Variants in FAT3 observed in about 807,000 individuals in gnomAD.
FAT3 encodes the protein protocadherin Fat 3.
In FAT3, 95 loss-of-function variants were observed where a neutral mutation model predicts 310.2. That is an observed-to-expected ratio of 0.31 (90% confidence interval 0.26 to 0.36). The LOEUF (loss-of-function observed/expected upper bound fraction) is 0.36, where lower values mean the gene tolerates loss of function less well. Ranked by LOEUF, FAT3 falls within the 10% of genes least tolerant of loss-of-function variation. The pLI is 1.00. For missense variants in FAT3, 5,408 were observed against 5,715.6 expected, an observed-to-expected ratio of 0.95 and a Z score of 1.74; for synonymous variants, 2,314 against 2,192.9, an observed-to-expected ratio of 1.06 and a Z score of -1.54.
chr11:92,443,476 A>G (rs927065184), intron 2 of FAT3, among the ~76,000 whole-genome samples: 2 of 152,210 alleles, frequency 1.3e-5, no homozygotes, highest in East Asian at 3.8e-4. Flanking sequence ...CTTGCCAGTA[A>G]GTGATTTAAG....
At chr11:92,626,666 A>G (rs1001664148) in intron 3 of FAT3, among the ~76,000 whole-genome samples, 7 of 152,122 alleles carry the variant, frequency 4.6e-5, no homozygotes, top group Admixed American at 2.6e-4. Context: ...TGATGGAGAA[A>G]TGGAGAGGGT....
At chr11:92,748,190 G>T (rs1237270013) in intron 4 of FAT3, among the ~76,000 whole-genome samples, 1 of 152,188 alleles carries the variant, frequency 6.6e-6, no homozygotes, top group Non-Finnish European at 1.5e-5. Flanking sequence ...GAAGGTGAAT[G>T]AGGAGTAAAT....
At chr11:92,227,094 C>G (rs1337096770) in intron 1 of FAT3, among the ~76,000 whole-genome samples, 2 of 152,326 alleles carry the variant, frequency 1.3e-5, no homozygotes, top group East Asian at 3.9e-4. Flanking sequence ...ACGCGCCCAC[C>G]CGGGGCTTGA....
chr11:92,465,669 C>T (rs1460172638), intron 2 of FAT3, among the ~76,000 whole-genome samples: 1 of 152,044 alleles, frequency 6.6e-6, no homozygotes, highest in Non-Finnish European at 1.5e-5. Context: ...ACAATGAGAA[C>T]ACTTGGACAC....
At chr11:92,717,976 C>G (rs371530432) in intron 4 of FAT3, among the ~76,000 whole-genome samples, 1 of 152,152 alleles carries the variant, frequency 6.6e-6, no homozygotes, top group Non-Finnish European at 1.5e-5. Context: ...CAAATTCTTG[C>G]AACTCTTTCT....
At chr11:92,717,527 C>T (rs1374139567) in intron 4 of FAT3, among the ~76,000 whole-genome samples, 1 of 152,132 alleles carries the variant, frequency 6.6e-6, no homozygotes, top group South Asian at 2.1e-4. Flanking sequence ...TTGTCATCCA[C>T]CTGACAAGAG....
intron 2 of FAT3, among the ~76,000 whole-genome samples, chr11:92,356,736 A>AG (rs1948742087): frequency 6.6e-6 from 1 of 152,266 alleles, no homozygotes; most frequent in South Asian, 2.1e-4. Context: ...ATGAATTTGT[A>AG]GGGGACACAT....
chr11:92,709,336 C>T (rs180907026), intron 4 of FAT3, among the ~76,000 whole-genome samples: 3 of 152,284 alleles, frequency 2.0e-5, no homozygotes, highest in African/African-American at 4.8e-5. Context: ...AGGAGATGTT[C>T]GATGGAGGTA....
intron 4 of FAT3, among the ~76,000 whole-genome samples, chr11:92,752,949 TGA>T (rs1945869169): frequency 6.6e-6 from 1 of 152,344 alleles, no homozygotes; most frequent in African/African-American, 2.4e-5. Flanking sequence ...ATAAATCATC[TGA>T]GAGATAATTA....
At chr11:92,834,378 T>C (rs979123565) in intron 14 of FAT3, among the ~76,000 whole-genome samples, 1 of 152,238 alleles carries the variant, frequency 6.6e-6, no homozygotes, top group Non-Finnish European at 1.5e-5. Context: ...TTGTTTTAGA[T>C]AAGTGCATTT....
intron 3 of FAT3, among the ~76,000 whole-genome samples, chr11:92,626,695 T>A (rs1029317768): frequency 1.3e-5 from 2 of 152,132 alleles, no homozygotes; most frequent in African/African-American, 2.4e-5. Context: ...GAAACTTGAA[T>A]AATTGTGGAG....
chr11:92,785,697 A>G (rs771086481), intron 7 of FAT3, among the ~76,000 whole-genome samples: 3 of 152,162 alleles, frequency 2.0e-5, no homozygotes, highest in South Asian at 2.1e-4. Flanking sequence ...GTAAAACAGT[A>G]GATTGAACAA....
At chr11:92,332,859 C>G (rs993340623) in intron 1 of FAT3, among the ~76,000 whole-genome samples, 1 of 152,084 alleles carries the variant, frequency 6.6e-6, no homozygotes, top group Non-Finnish European at 1.5e-5. Flanking sequence ...GCTCTGTGTC[C>G]TCATAGCCCT....
At chr11:92,383,262 A>G (rs182844845) in intron 2 of FAT3, among the ~76,000 whole-genome samples, 16 of 152,254 alleles carry the variant, frequency 1.1e-4, no homozygotes, top group East Asian at 3.9e-4. Flanking sequence ...GGTTGAATCT[A>G]TGTCCTTGCT....
rs568737148 is a variant in FAT3 at position 92,225,791 on chromosome 11, A to C, written c.-18+617A>C. Among the ~76,000 whole-genome samples, 15 of 152,022 alleles carry C rather than the reference A, an allele frequency of 9.9e-5. No individual in the cohort carries two copies. In the East Asian group the frequency reaches 2.9e-3, roughly 30 times the overall value. ...TTGTGGTCAGGGTGAGATGTAGTGAACGGCGGCGGCGGCTCTTCGACTGGG... is the reference window on the plus strand; with the variant it reads ...TTGTGGTCAGGGTGAGATGTAGTGACCGGCGGCGGCGGCTCTTCGACTGGG... On this transcript the variant is annotated intron_variant, in intron 1 of 27. Transcript: ENST00000525166.
intron 1 of FAT3, among the ~76,000 whole-genome samples, chr11:92,292,886 G>C (rs555475053): frequency 6.6e-6 from 1 of 151,934 alleles, no homozygotes; most frequent in Non-Finnish European, 1.5e-5. Flanking sequence ...GCTGGTTCTC[G>C]CTTGTAGTCA....
chr11:92,383,576 A>C (rs1949551501), intron 2 of FAT3, among the ~76,000 whole-genome samples: 1 of 152,248 alleles, frequency 6.6e-6, no homozygotes. Flanking sequence ...TGATGGATAC[A>C]AGAGTGAATC....
intron 1 of FAT3, among the ~76,000 whole-genome samples, chr11:92,232,985 T>A (rs1288896289): frequency 1.3e-5 from 2 of 152,236 alleles, no homozygotes; most frequent in African/African-American, 4.8e-5. Context: ...TCCTTTTTAT[T>A]CCTGACTGTT....
intron 7 of FAT3, among the ~76,000 whole-genome samples, chr11:92,775,929 G>A (rs1946587060): frequency 6.6e-6 from 1 of 152,128 alleles, no homozygotes; most frequent in South Asian, 2.1e-4. Flanking sequence ...AAGAACCCAT[G>A]GCTGAGGTGT....
Sources: allele counts gnomAD v4.1 joint callset (sites outside exome capture counted in the v4.1 genomes callset), GRCh38; gene constraint gnomAD v4.1.1; transcripts MANE v1.5; gene names NCBI Gene and HGNC (gene_info 2026-07-23, HGNC 2026-07-21).